The following PSME4 variants were observed in gnomAD, a reference collection of about 807,000 sequenced individuals.
PSME4 encodes the protein proteasome activator subunit 4.
A neutral mutation model predicts 253.9 loss-of-function variants in PSME4; 89 were observed. The observed-to-expected ratio is 0.35, with a 90% CI of 0.30 to 0.42. The LOEUF is 0.42. PSME4 is among the 10% of genes least tolerant of loss of function. The pLI is 1.00. For synonymous variants in PSME4, 851 were observed against 759.2 expected (o/e 1.12, Z -1.99); for missense variants, 2,014 against 2,195.2 (o/e 0.92, Z 1.65).
rs778313344 is a variant in PSME4, at chr2:53,896,913, TA to T, written c.3607-29del. On this transcript the variant is annotated intron_variant, in intron 31 of 46. Transcript: ENST00000404125. ...AGAAAAGGAAAAAGGTACACATTCATAAAAAAAAGTTTAAATCACTTAACTG... is the reference window on the plus strand; with the variant it reads ...AGAAAAGGAAAAAGGTACACATTCATAAAAAAAGTTTAAATCACTTAACTG... 44 of 1,535,860 alleles carry T rather than the reference TA, an allele frequency of 2.9e-5. No individual in the cohort carries two copies. In the Middle Eastern group the frequency reaches 6.8e-4, roughly 24 times the overall value.
intron 20 of PSME4, among the ~76,000 whole-genome samples, chr2:53,916,032 G>A (rs1415741305): frequency 6.6e-6 from 1 of 152,040 alleles, no homozygotes; most frequent in East Asian, 1.9e-4. Context: ...CCAAGATAGT[G>A]CCATTGTACT....
At position 53,920,564 on chromosome 2, in the gene PSME4, T is replaced by C. The variant is rs543426303; in HGVS notation, c.2263-214A>G. Reference sequence around the variant, plus strand: ...AAAAAGTCTCCCCGAAGAGTACTCATTATAATATGAGTTTGCTCTAAGAGT... The same window carrying C: ...AAAAAGTCTCCCCGAAGAGTACTCACTATAATATGAGTTTGCTCTAAGAGT... On this transcript the variant is annotated intron_variant, in intron 18 of 46. Transcript: ENST00000404125. Among the ~76,000 whole-genome samples, 137 of 152,326 alleles carry C rather than the reference T, an allele frequency of 9.0e-4. 1 individual carries two copies. Among genetic ancestry groups the C allele is most frequent in the African/African-American group, 3.3e-3 (137 of 41,564 alleles).
chr2:53,871,888 T>A (rs1221269117), intron 43 of PSME4, among the ~76,000 whole-genome samples: 2 of 151,722 alleles, frequency 1.3e-5, no homozygotes, highest in Non-Finnish European at 2.9e-5. Flanking sequence ...GTGGTAGGTG[T>A]CTGTAATCCC....
rs547343190 is a variant in PSME4 at position 53,956,083 on chromosome 2, G to A, written c.243-6800C>T. Among the ~76,000 whole-genome samples the A allele has an allele frequency of 2.4e-3, 358 of 152,254 alleles. 1 individual carries two copies. Among genetic ancestry groups the A allele is most frequent in the Non-Finnish European group, 4.1e-3 (277 of 68,036 alleles). ...AGATCGCTTGAGCCCAGGAGCTTGA[G>A]ACCAGCCTGGGCAACATAGCAAAAC... On this transcript the variant is annotated intron_variant, in intron 1 of 46. Coordinates refer to ENST00000404125, the MANE Select transcript of PSME4 (RefSeq NM_014614.3).
rs1678475960 is a variant in PSME4 at position 53,864,462 on chromosome 2, T to G, written c.*1116A>C. ...AAAAAAAAACCCCACATCTCAGTTT[T>G]TGTAACAAGATAAAGAAAATAATTT... On this transcript the variant is annotated 3_prime_UTR_variant, in exon 47 of 47. Coordinates refer to ENST00000404125, the MANE Select transcript of PSME4 (RefSeq NM_014614.3). 6.6e-6 allele frequency: 1 copy of G among 152,424 alleles called. No homozygotes were observed. The allele number at this position is 152,424 out of a possible 1,614,324, so 9.4% of individuals were successfully genotyped here.
chr2:53,916,511 T>C (rs1255579314), intron 20 of PSME4, among the ~76,000 whole-genome samples: 2 of 152,204 alleles, frequency 1.3e-5, no homozygotes, highest in Non-Finnish European at 2.9e-5. Context: ...AGTTTCAAAT[T>C]GATCTGCTGA....
intron 3 of PSME4, among the ~76,000 whole-genome samples, chr2:53,943,784 G>A (rs191001536): frequency 1.6e-4 from 24 of 149,294 alleles, no homozygotes; most frequent in African/African-American, 4.4e-4. Context: ...GGAGGTTGCG[G>A]TGAGTCCAGA....
intron 40 of PSME4, among the ~76,000 whole-genome samples, chr2:53,886,523 G>T (rs1396512890): frequency 6.6e-6 from 1 of 152,180 alleles, no homozygotes; most frequent in Non-Finnish European, 1.5e-5. Flanking sequence ...TACCCACTAA[G>T]ATGGCTATAC....
intron 1 of PSME4, among the ~76,000 whole-genome samples, chr2:53,963,659 C>T (rs1045814917): frequency 6.6e-6 from 1 of 152,156 alleles, no homozygotes; most frequent in Admixed American, 6.5e-5. Context: ...GAGCTATTTT[C>T]TTGATCTCTG....
chr2:53,957,903 A>T (rs1411718437), intron 1 of PSME4, among the ~76,000 whole-genome samples: 1 of 152,154 alleles, frequency 6.6e-6, no homozygotes, highest in African/African-American at 2.4e-5. Flanking sequence ...TACAAAAACT[A>T]TGTTCACTTT....
In PSME4 at chr2:53,928,150, A is replaced by T; in HGVS notation, c.1470T>A (p.Pro490=). The T allele has an allele frequency of 6.2e-7, 1 of 1,614,116 alleles. No individual in the cohort carries two copies. Among genetic ancestry groups the T allele is most frequent in the Non-Finnish European group, 8.5e-7 (1 of 1,179,998 alleles). The change falls in exon 11 of 47, where the codon CCT becomes CCA. Residue 490 remains proline (P), a synonymous_variant. Transcript: ENST00000404125. The part of the protein sequence containing the change: ...HMLPLLMRAL[P]GVDPNDFSKC... ...TACTAAAGTCATTTGGATCCACCCC[A>T]GGCAATGCTCTCATCAACAGAGGTA... is the stretch of plus-strand genomic sequence containing the variant.
At chr2:53,959,720 T>G (rs1558430420) in intron 1 of PSME4, among the ~76,000 whole-genome samples, 2 of 152,206 alleles carry the variant, frequency 1.3e-5, no homozygotes, top group African/African-American at 2.4e-5. Flanking sequence ...AGCTTCTCAC[T>G]GCCAGAAACA....
At chr2:53,966,213 G>A (rs1179476584) in intron 1 of PSME4, among the ~76,000 whole-genome samples, 3 of 152,180 alleles carry the variant, frequency 2.0e-5, no homozygotes, top group Non-Finnish European at 2.9e-5. Flanking sequence ...GAACCTGGGA[G>A]GCAGAGGCTG....
chr2:53,876,713 ATT>A (rs202011047), intron 41 of PSME4, among the ~76,000 whole-genome samples: 1 of 77,200 alleles, frequency 1.3e-5, no homozygotes, highest in East Asian at 8.2e-4. Flanking sequence ...AGCCACTGTC[ATT>A]CTTTTTTTTT....
rs566899023 is a variant in PSME4, at chr2:53,915,216, A to C, written c.2516+3935T>G. On this transcript the variant is annotated intron_variant, in intron 20 of 46. Coordinates refer to ENST00000404125, the MANE Select transcript of PSME4 (RefSeq NM_014614.3). The stretch of plus-strand genomic sequence containing the variant: ...AGCACTTTTGGATGTGGAGACAGGC[A>C]GATCGCCTGAGCTCGGGAAATTGAG... Among the ~76,000 whole-genome samples the C allele has an allele frequency of 4.4e-4, 67 of 152,208 alleles. No individual in the cohort carries two copies. The Middle Eastern group carries it at 0.027, about 62-fold the overall frequency.
At chr2:53,910,282 T>G in intron 20 of PSME4, 152 bp from the exon 21 acceptor site, 2 of 670,456 alleles carry the variant, frequency 3.0e-6, no homozygotes, top group African/African-American at 1.8e-5. Flanking sequence ...AAAATCAATC[T>G]ATCTTTCTCA....
chr2:53,951,795 C>G (rs1332921742), intron 1 of PSME4, among the ~76,000 whole-genome samples: 1 of 152,106 alleles, frequency 6.6e-6, no homozygotes, highest in Non-Finnish European at 1.5e-5. Context: ...AATCCAAAAT[C>G]CTAAACATTT....
intron 3 of PSME4, among the ~76,000 whole-genome samples, chr2:53,947,130 T>C (rs1316555151): frequency 1.3e-5 from 2 of 152,164 alleles, no homozygotes; most frequent in African/African-American, 4.8e-5. Context: ...CAAAAACCAA[T>C]TAGGACCTAA....
chr2:53,920,416 C>T (rs1012287043), intron 18 of PSME4, 66 bp from the exon 19 acceptor site: 51 of 1,387,096 alleles, frequency 3.7e-5, no homozygotes, highest in Non-Finnish European at 4.8e-5. Context: ...AACCCACATA[C>T]ATATACACAA....
Sources: allele counts gnomAD v4.1 joint callset (sites outside exome capture counted in the v4.1 genomes callset), GRCh38; gene constraint gnomAD v4.1.1; transcripts MANE v1.5; gene names NCBI Gene and HGNC (gene_info 2026-07-23, HGNC 2026-07-21).